Variants in ATRNL1 observed in about 807,000 individuals in gnomAD.
ATRNL1 encodes attractin like 1, also known as attractin-like protein 1.
Under a neutral mutation model 182.7 loss-of-function variants are expected in ATRNL1, and 95 were observed. The ratio of observed to expected loss-of-function variants is 0.52; its 90% confidence interval spans 0.44 to 0.62. The LOEUF is 0.62. Ranked by LOEUF, ATRNL1 falls within the 20% of genes least tolerant of loss-of-function variation. The probability of loss-of-function intolerance (pLI) is 0.00; values close to 1 mark genes in which losing one functional copy is unlikely to be tolerated. For synonymous variants in ATRNL1, 576 were observed against 568.3 expected (o/e 1.01, Z -0.19); for missense variants, 1,471 against 1,679.5 (o/e 0.88, Z 2.17).
chr10:115,160,292 T>G (rs1269007307), intron 6 of ATRNL1, 78 bp downstream of exon 6: 6 of 1,375,592 alleles, frequency 4.4e-6, no homozygotes, highest in Admixed American at 4.2e-5. Context: ...TTAATTGTTG[T>G]CCGAGAGTAA....
chr10:115,161,025 A>G (rs1238934717), intron 6 of ATRNL1, among the ~76,000 whole-genome samples: 1 of 151,922 alleles, frequency 6.6e-6, no homozygotes, highest in African/African-American at 2.4e-5. Context: ...TTTTTAGTAT[A>G]AGAAGGCCCT....
intron 26 of ATRNL1, among the ~76,000 whole-genome samples, chr10:115,596,522 G>C (rs1437152809): frequency 6.6e-6 from 1 of 152,180 alleles, no homozygotes; most frequent in African/African-American, 2.4e-5. Context: ...TCATGAAGAA[G>C]TTAAAGTAGT....
intron 9 of ATRNL1, among the ~76,000 whole-genome samples, chr10:115,232,901 G>A (rs1303361811): frequency 6.6e-6 from 1 of 152,064 alleles, no homozygotes; most frequent in Non-Finnish European, 1.5e-5. Flanking sequence ...CATAGACTTG[G>A]AGGCTTAAAA....
At chr10:115,098,454 T>C (rs1554863713) in intron 1 of ATRNL1, among the ~76,000 whole-genome samples, 1 of 5,914 alleles carries the variant, frequency 1.7e-4, no homozygotes, top group Admixed American at 7.1e-4. Context: ...TACTAGTTTC[T>C]TTTTTTTTTT....
At chr10:115,296,337 G>A (rs1381060487) in intron 15 of ATRNL1, among the ~76,000 whole-genome samples, 1 of 152,132 alleles carries the variant, frequency 6.6e-6, no homozygotes, top group Non-Finnish European at 1.5e-5. Context: ...TCCAGTCAAA[G>A]CATAGCTCTT....
At chr10:115,274,493 G>T (rs1554914280) in intron 13 of ATRNL1, among the ~76,000 whole-genome samples, 1 of 152,120 alleles carries the variant, frequency 6.6e-6, no homozygotes, top group African/African-American at 2.4e-5. Context: ...GAGTTAGAAG[G>T]CCCCTGAATT....
intron 21 of ATRNL1, among the ~76,000 whole-genome samples, chr10:115,433,210 GA>G (rs1451113248): frequency 1.3e-5 from 2 of 151,942 alleles, no homozygotes; most frequent in African/African-American, 4.8e-5. Context: ...AATTTAAGTT[GA>G]AAAAGATGAC....
intron 28 of ATRNL1, among the ~76,000 whole-genome samples, chr10:115,887,614 G>A (rs538120608): frequency 4.0e-5 from 6 of 151,754 alleles, no homozygotes; most frequent in Middle Eastern, 3.4e-3. Context: ...TTTAGGGGGC[G>A]GGGAGAGGCA....
At chr10:115,467,611 C>G (rs1191075507) in intron 23 of ATRNL1, among the ~76,000 whole-genome samples, 1 of 150,530 alleles carries the variant, frequency 6.6e-6, no homozygotes, top group Non-Finnish European at 1.5e-5. Context: ...TAATTATTAA[C>G]CTTAATATTT....
chr10:115,794,205 A>G (rs1196311085), intron 27 of ATRNL1, among the ~76,000 whole-genome samples: 1 of 152,154 alleles, frequency 6.6e-6, no homozygotes, highest in Non-Finnish European at 1.5e-5. Context: ...AAACAATCAC[A>G]AATTTACAAA....
chr10:115,460,823 G>A (rs1554969569), intron 21 of ATRNL1, among the ~76,000 whole-genome samples: 1 of 152,082 alleles, frequency 6.6e-6, no homozygotes, highest in Non-Finnish European at 1.5e-5. Flanking sequence ...ACTTGCAAGA[G>A]GACAGAAATT....
chr10:115,758,258 T>G (rs1349865888), intron 27 of ATRNL1, among the ~76,000 whole-genome samples: 4 of 152,112 alleles, frequency 2.6e-5, no homozygotes, highest in African/African-American at 9.7e-5. Context: ...TTTTTGGAAT[T>G]TTCAGCCTTT....
At chr10:115,442,446 A>G (rs999595627) in intron 21 of ATRNL1, among the ~76,000 whole-genome samples, 1 of 151,854 alleles carries the variant, frequency 6.6e-6, no homozygotes, top group East Asian at 1.9e-4. Context: ...CCTTTTGTAA[A>G]GCAATCTTCT....
intron 15 of ATRNL1, among the ~76,000 whole-genome samples, chr10:115,290,499 A>G (rs2131835): frequency 0.31 from 47,870 of 152,030 alleles, 8,678 homozygotes; most frequent in Middle Eastern, 0.44. Flanking sequence ...TACTAAAAAT[A>G]TAAAAAATTA....
chr10:115,710,203 G>A (rs1947022797), intron 26 of ATRNL1, among the ~76,000 whole-genome samples: 1 of 151,950 alleles, frequency 6.6e-6, no homozygotes, highest in Non-Finnish European at 1.5e-5. Flanking sequence ...TTTGGAACAT[G>A]TATTTCATCA....
rs559918060 is a variant in ATRNL1, at chr10:115,912,654, A to G, written c.4019-32004A>G. On this transcript the variant is annotated intron_variant, in intron 28 of 28. Coordinates refer to ENST00000355044, the MANE Select transcript of ATRNL1 (RefSeq NM_207303.4). ...AAATGCTCAACACAACATGATTTAT[A>G]AAAGTAGAAAATTGACAGCTTAGAT... 4.6e-5 allele frequency among the ~76,000 whole-genome samples: 7 copies of G among 152,326 alleles called. 1 individual carries two copies. In the South Asian group the frequency reaches 1.5e-3, roughly 32 times the overall value.
intron 28 of ATRNL1, among the ~76,000 whole-genome samples, chr10:115,882,951 T>C (rs1555108950): frequency 6.6e-6 from 1 of 152,194 alleles, no homozygotes; most frequent in Non-Finnish European, 1.5e-5. Context: ...ACTTTCTGGC[T>C]CTAGCCATCC....
chr10:115,093,954 C>A lies in ATRNL1; in HGVS notation c.204C>A (p.Ser68=). 2 of 1,589,994 alleles carry A rather than the reference C, an allele frequency of 1.3e-6. 1 individual carries two copies. Among genetic ancestry groups the A allele is most frequent in the South Asian group, 2.3e-5 (2 of 87,914 alleles). Residue 68 remains serine, a synonymous_variant, in exon 1 of 29, where the codon TCC becomes TCA. Coordinates refer to ENST00000355044, the MANE Select transcript of ATRNL1 (RefSeq NM_207303.4). The surrounding 1 kb of genome is among the most constrained non-coding windows in gnomAD (Gnocchi z 6.1). ...CCAAGCCGTGCGAGAGGACCGGCTC[C>A]TGCTTCTCGGGCCGCTGTGTCAACT... ...SQSKPCERTG[S]CFSGRCVNST... is the part of the protein sequence containing the mutation.
intron 27 of ATRNL1, among the ~76,000 whole-genome samples, chr10:115,765,951 C>A (rs1948847211): frequency 7.5e-6 from 1 of 132,598 alleles, no homozygotes; most frequent in Non-Finnish European, 1.6e-5. Flanking sequence ...TATTCTTGTC[C>A]AGCTCTCCTT....
Sources: allele counts gnomAD v4.1 joint callset (sites outside exome capture counted in the v4.1 genomes callset), GRCh38; gene constraint gnomAD v4.1.1; non-coding constraint Gnocchi (gnomAD v3.1); transcripts MANE v1.5; gene names NCBI Gene and HGNC (gene_info 2026-07-23, HGNC 2026-07-21).